Variants in HMOX2 observed in about 807,000 individuals in gnomAD.
HMOX2 encodes the protein heme oxygenase (decycling) 2.
In HMOX2, 30 loss-of-function variants were observed where a neutral mutation model predicts 33.7. The observed-to-expected ratio is 0.89, with a 90% confidence interval of 0.67 to 1.21. The LOEUF (loss-of-function observed/expected upper bound fraction) is 1.21, where lower values mean the gene tolerates loss of function less well. Ranked by LOEUF, HMOX2 falls within the 50% of genes most tolerant of loss-of-function variation. HMOX2 has a pLI of 0.00. For missense variants in HMOX2, 403 were observed against 399.1 expected (o/e 1.01, Z -0.08); for synonymous variants, 155 against 155.0 (o/e 1.00, Z 0.00).
chr16:4,509,719 C>T lies in HMOX2; in HGVS notation c.914C>T (p.Ala305Val), dbSNP rs764819320. Reference sequence around the variant, plus strand: ...CAGTTCATCCTGGCCGCTGGTGTGGCCCTAGCTGCTGGACTCTTGGCCTGG... The same window carrying T: ...CAGTTCATCCTGGCCGCTGGTGTGGTCCTAGCTGCTGGACTCTTGGCCTGG... ...SLQFILAAGVALAAGLLAWYY... is the reference protein window; with the variant it reads ...SLQFILAAGVVLAAGLLAWYY... Residue 305 changes from alanine to valine, a missense_variant, in exon 6 of 6, where the codon GCC becomes GTC. Ala to Val is a moderately conservative substitution (Grantham distance 64). Coordinates refer to ENST00000570646, the MANE Select transcript of HMOX2 (RefSeq NM_002134.4). 3 of 1,613,754 alleles carry T rather than the reference C, an allele frequency of 1.9e-6. No homozygotes were observed. The highest frequency in any genetic ancestry group is 1.7e-5 in the Admixed American group (1 of 60,004).
intron 1 of HMOX2, among the ~76,000 whole-genome samples, chr16:4,479,024 G>T (rs2057946269): frequency 6.6e-6 from 1 of 151,900 alleles, no homozygotes; most frequent in South Asian, 2.1e-4. Context: ...GCAAAAAGTA[G>T]CCTGTAATCC....
chr16:4,500,606 A>C (rs2058535618), intron 1 of HMOX2, among the ~76,000 whole-genome samples: 1 of 152,024 alleles, frequency 6.6e-6, no homozygotes, highest in Non-Finnish European at 1.5e-5. Flanking sequence ...TTTCTGTATG[A>C]CCAGATGGGA....
intron 1 of HMOX2, among the ~76,000 whole-genome samples, chr16:4,477,167 T>C (rs1454040979): frequency 6.6e-6 from 1 of 152,100 alleles, no homozygotes; most frequent in Non-Finnish European, 1.5e-5. Context: ...GGGACCTCCT[T>C]GCAGTCTTTG....
chr16:4,509,543 G>T lies in HMOX2; in HGVS notation c.823+5G>T. The stretch of plus-strand genomic sequence containing the variant: ...ACGCTGCTGAACAAGACAAAGGTAG[G>T]TCTGTGTGTCCTGAGCTCCCCTCCT... On this transcript the variant is annotated splice_donor_5th_base_variant and intron_variant, in intron 5 of 5. Transcript: ENST00000570646. The T allele has an allele frequency of 6.2e-7, 1 of 1,614,160 alleles. No homozygotes were observed. Among genetic ancestry groups the T allele is most frequent in the Non-Finnish European group, 8.5e-7 (1 of 1,180,022 alleles).
chr16:4,496,448 C>T (rs1051377388), intron 1 of HMOX2: 7 of 152,096 alleles, frequency 4.6e-5, no homozygotes, highest in Non-Finnish European at 7.4e-5. Flanking sequence ...CATACTAAAA[C>T]AACAAATTAC....
intron 1 of HMOX2, among the ~76,000 whole-genome samples, chr16:4,484,212 G>T (rs914420001): frequency 1.3e-5 from 2 of 151,960 alleles, no homozygotes; most frequent in African/African-American, 2.4e-5. Flanking sequence ...CTGACCTCAT[G>T]ATCCACCCAC....
chr16:4,479,893 C>T (rs1317278517), intron 1 of HMOX2, among the ~76,000 whole-genome samples: 1 of 151,748 alleles, frequency 6.6e-6, no homozygotes, highest in East Asian at 1.9e-4. Context: ...CGTATGCCAC[C>T]ATGCCTGGCT....
chr16:4,492,983 ATAT>A (rs2058339445), intron 1 of HMOX2, among the ~76,000 whole-genome samples: 1 of 152,122 alleles, frequency 6.6e-6, no homozygotes, highest in Non-Finnish European at 1.5e-5. Context: ...GAAAAAGGAA[ATAT>A]TAGGGGACAT....
intron 1 of HMOX2, among the ~76,000 whole-genome samples, chr16:4,483,163 GTGTGTGTGTGTGTGTGTGT>G (rs2058074900): frequency 4.1e-3 from 1 of 246 alleles, no homozygotes; most frequent in African/African-American, 0.01. Flanking sequence ...AAACCCTGGT[GTGTGTGTGTGTGTGTGTGT>G]GTGTGTGTGT....
At position 4,479,825 on chromosome 16, in the gene HMOX2, G is replaced by A. The variant is rs189015745; in HGVS notation, c.-42+3338G>A. 1.8e-4 allele frequency among the ~76,000 whole-genome samples: 23 copies of A among 131,010 alleles called. No homozygotes were observed. The East Asian group carries it at 2.5e-3, about 14-fold the overall frequency. The allele number at this position is 131,010 out of a possible 152,430, so 85.9% of individuals were successfully genotyped here. ...ACAATCTCAGCTCACTGCAACCTCCGCCTCCTGGGTTCAAGCGATTCTCCA... is the reference window on the plus strand; with the variant it reads ...ACAATCTCAGCTCACTGCAACCTCCACCTCCTGGGTTCAAGCGATTCTCCA... On this transcript the variant is annotated intron_variant, in intron 1 of 5. Coordinates refer to ENST00000570646, the MANE Select transcript of HMOX2 (RefSeq NM_002134.4).
intron 1 of HMOX2, among the ~76,000 whole-genome samples, chr16:4,491,483 C>T (rs947402039): frequency 1.1e-4 from 17 of 151,928 alleles, no homozygotes; most frequent in Admixed American, 8.5e-4. Flanking sequence ...AACCCCATCT[C>T]TACAAAAAAT....
intron 1 of HMOX2, among the ~76,000 whole-genome samples, chr16:4,481,380 A>G (rs1596442484): frequency 6.6e-6 from 1 of 151,994 alleles, no homozygotes; most frequent in African/African-American, 2.4e-5. Flanking sequence ...AAAATAAAAC[A>G]ATCTGGCATT....
chr16:4,497,128 C>T (rs2058441511), intron 1 of HMOX2, among the ~76,000 whole-genome samples: 2 of 152,016 alleles, frequency 1.3e-5, no homozygotes, highest in South Asian at 4.1e-4. Context: ...TTCCCTCCAC[C>T]CCCAAATGCT....
At chr16:4,502,948 C>G (rs891586634) in intron 1 of HMOX2, 1 of 152,388 alleles carries the variant, frequency 6.6e-6, no homozygotes, top group Non-Finnish European at 1.5e-5. Flanking sequence ...TCCTGAGTAG[C>G]TGGGATTACA....
At position 4,482,839 on chromosome 16, in the gene HMOX2, C is replaced by G. The variant is rs1005334022; in HGVS notation, c.-42+6352C>G. On this transcript the variant is annotated intron_variant, in intron 1 of 5. Transcript: ENST00000570646. ...GGTCAGGAGTTTGAGACCAGCCTGA[C>G]CAATGTGGTGAAACCCCATTTCTAG... 5.5e-4 allele frequency among the ~76,000 whole-genome samples: 83 copies of G among 152,072 alleles called. 1 individual carries two copies. Among genetic ancestry groups the G allele is most frequent in the African/African-American group, 2.0e-3 (81 of 41,416 alleles).
chr16:4,490,229 G>A (rs923989633), intron 1 of HMOX2, among the ~76,000 whole-genome samples: 7 of 152,144 alleles, frequency 4.6e-5, no homozygotes, highest in Admixed American at 2.0e-4. Context: ...TTTAGAAACA[G>A]CACAAGCTTT....
chr16:4,484,069 G>A (rs2058101447), intron 1 of HMOX2, among the ~76,000 whole-genome samples: 1 of 147,682 alleles, frequency 6.8e-6, no homozygotes, highest in Non-Finnish European at 1.5e-5. Context: ...CCGCCTCCCA[G>A]GTTCACGCCA....
intron 1 of HMOX2, among the ~76,000 whole-genome samples, chr16:4,498,061 CTTTTTTT>C (rs35332500): frequency 2.1e-4 from 22 of 104,402 alleles, no homozygotes; most frequent in Non-Finnish European, 3.4e-4. Flanking sequence ...GATTCATTGT[CTTTTTTT>C]TTTTTTTTTT....
chr16:4,489,633 AT>A (rs369499725), intron 1 of HMOX2, among the ~76,000 whole-genome samples: 2 of 151,730 alleles, frequency 1.3e-5, no homozygotes, highest in African/African-American at 2.4e-5. Flanking sequence ...TAAGTTTTGT[AT>A]TTTTTGTAGA....
Sources: gnomAD v4.1 joint callset for allele counts (sites outside exome capture counted in the v4.1 genomes callset) on GRCh38, gnomAD v4.1.1 for gene constraint, MANE v1.5 for transcripts, NCBI Gene and HGNC (gene_info 2026-07-23, HGNC 2026-07-21) for gene names.